The following GRID2 variants were observed in gnomAD, a reference collection of about 807,000 sequenced individuals.
GRID2 encodes the protein glutamate ionotropic receptor delta type subunit 2.
Under a neutral mutation model 114.8 loss-of-function variants are expected in GRID2, and 33 were observed. The observed-to-expected ratio is 0.29, with a 90% CI of 0.22 to 0.38. The LOEUF (loss-of-function observed/expected upper bound fraction) is 0.38. GRID2 is among the 10% of genes least tolerant of loss of function. The probability of loss-of-function intolerance (pLI) is 1.00; values close to 1 mark genes in which losing one functional copy is unlikely to be tolerated. For synonymous variants in GRID2, 505 were observed against 449.9 expected (o/e 1.12, Z -1.55); for missense variants, 1,184 against 1,257.7 (o/e 0.94, Z 0.89).
chr4:93,075,959 A>AGTGGCGC (rs768202523), intron 2 of GRID2, among the ~76,000 whole-genome samples: 1 of 125,406 alleles, frequency 8.0e-6, no homozygotes, highest in East Asian at 2.5e-4. Context: ...GCTGAAGTGC[A>AGTGGCGC]GTGGCGCGAT....
intron 13 of GRID2, among the ~76,000 whole-genome samples, chr4:93,619,659 A>T (rs929547018): frequency 2.0e-5 from 3 of 152,182 alleles, no homozygotes; most frequent in Non-Finnish European, 4.4e-5. Context: ...AGAAATGCTT[A>T]GAGAGCAATG....
At chr4:93,414,619 C>T in intron 9 of GRID2, among the ~76,000 whole-genome samples, 1 of 151,424 alleles carries the variant, frequency 6.6e-6, no homozygotes, top group East Asian at 1.9e-4. Context: ...TCATTTCTCA[C>T]ATATGCCTTC....
intron 14 of GRID2, among the ~76,000 whole-genome samples, chr4:93,700,515 T>G (rs1165182750): frequency 1.3e-5 from 2 of 152,144 alleles, no homozygotes; most frequent in Non-Finnish European, 2.9e-5. Context: ...CCATACTTCA[T>G]CACTCATTTT....
intron 10 of GRID2, among the ~76,000 whole-genome samples, chr4:93,429,210 A>G (rs1240865186): frequency 2.0e-5 from 3 of 152,192 alleles, no homozygotes; most frequent in African/African-American, 7.2e-5. Flanking sequence ...ATTATGGAGA[A>G]GCCAGATGGC....
At chr4:92,699,552 A>C (rs1376704215) in intron 2 of GRID2, among the ~76,000 whole-genome samples, 1 of 152,214 alleles carries the variant, frequency 6.6e-6, no homozygotes, top group Non-Finnish European at 1.5e-5. Flanking sequence ...TTTATCACTG[A>C]CCACAATTTT....
chr4:92,676,156 G>GCT (rs1733349876), intron 2 of GRID2, among the ~76,000 whole-genome samples: 2 of 25,066 alleles, frequency 8.0e-5, no homozygotes, highest in African/African-American at 1.3e-4. Context: ...GTCGTGTCAA[G>GCT]CCCCCCCCCC....
intron 2 of GRID2, among the ~76,000 whole-genome samples, chr4:93,016,387 G>A: frequency 6.6e-6 from 1 of 152,090 alleles, no homozygotes; most frequent in East Asian, 1.9e-4. Context: ...ACTATTTTAA[G>A]CGCTTTCTGT....
chr4:93,700,444 AAGAG>A (rs1261391502), intron 14 of GRID2, among the ~76,000 whole-genome samples: 2 of 152,202 alleles, frequency 1.3e-5, no homozygotes, highest in African/African-American at 4.8e-5. Context: ...AGTTCTAAAT[AAGAG>A]AGATAGCTAT....
chr4:92,706,400 T>C (rs1166532078), intron 2 of GRID2, among the ~76,000 whole-genome samples: 2 of 152,306 alleles, frequency 1.3e-5, no homozygotes, highest in Middle Eastern at 3.4e-3. Flanking sequence ...AAATGTCATG[T>C]GTATGGAGAG....
chr4:93,085,718 C>G (rs1001363430), intron 3 of GRID2, among the ~76,000 whole-genome samples: 1 of 152,130 alleles, frequency 6.6e-6, no homozygotes, highest in Non-Finnish European at 1.5e-5. Context: ...TCTGAAAAAT[C>G]TTGCTTACAC....
intron 2 of GRID2, among the ~76,000 whole-genome samples, chr4:92,711,817 C>G (rs534284964): frequency 1.3e-5 from 2 of 152,244 alleles, no homozygotes; most frequent in South Asian, 4.2e-4. Context: ...GCAGGAGGAT[C>G]ACTTGAACCC....
At chr4:93,310,177 C>G (rs1352271886) in intron 8 of GRID2, among the ~76,000 whole-genome samples, 1 of 152,058 alleles carries the variant, frequency 6.6e-6, no homozygotes, top group East Asian at 1.9e-4. Flanking sequence ...AAGTAAAGAC[C>G]TATAAGTTTT....
chr4:92,923,553 C>A (rs1011841740), intron 2 of GRID2, among the ~76,000 whole-genome samples: 1 of 152,102 alleles, frequency 6.6e-6, no homozygotes, highest in East Asian at 1.9e-4. Flanking sequence ...ATACTTATTT[C>A]TATTCTGCCA....
rs528148746 is a variant in GRID2, at chr4:93,199,761, A to AG, written c.736-7640dup. Among the ~76,000 whole-genome samples, 11 of 152,330 alleles carry AG rather than the reference A, an allele frequency of 7.2e-5. 1 individual carries two copies. In the South Asian group the frequency reaches 1.9e-3, roughly 26 times the overall value. ...CCCCATGCTGCCCAGTGTTGGCGTG[A>AG]GGGATTACTAATGCCATCTGCTGGA... On this transcript the variant is annotated intron_variant, in intron 4 of 15. Coordinates refer to ENST00000282020, the MANE Select transcript of GRID2 (RefSeq NM_001510.4).
intron 2 of GRID2, among the ~76,000 whole-genome samples, chr4:92,853,842 G>T (rs941580114): frequency 6.6e-6 from 1 of 151,862 alleles, no homozygotes; most frequent in Non-Finnish European, 1.5e-5. Context: ...GACTTCTAGA[G>T]GTTGGAGGGA....
chr4:93,126,581 A>ATTTT (rs1553992077), intron 4 of GRID2, among the ~76,000 whole-genome samples: 5 of 76,566 alleles, frequency 6.5e-5, no homozygotes, highest in East Asian at 3.6e-4. Flanking sequence ...TAACTATTTA[A>ATTTT]TTCTTTTTTT....
intron 2 of GRID2, among the ~76,000 whole-genome samples, chr4:92,932,548 C>T (rs994117997): frequency 1.3e-5 from 2 of 151,130 alleles, no homozygotes; most frequent in Admixed American, 6.6e-5. Flanking sequence ...ATCAAGCAAC[C>T]CCATTCCCAG....
intron 13 of GRID2, among the ~76,000 whole-genome samples, chr4:93,615,949 A>G (rs1013831000): frequency 1.3e-5 from 2 of 152,142 alleles, no homozygotes; most frequent in African/African-American, 2.4e-5. Context: ...TTGTCACTCA[A>G]TGTATTTCCA....
rs956075671 is a variant in GRID2, at chr4:93,626,500, T to A, written c.2360+65T>A. ...TTTAGACAAAGAATATCCATTTGGT[T>A]ACCAGATCTGGTTTATTACATTTTG... On this transcript the variant is annotated intron_variant, in intron 14 of 15. Transcript: ENST00000282020. The A allele has an allele frequency of 1.5e-5, 16 of 1,052,266 alleles. No individual in the cohort carries two copies. In the African/African-American group the frequency reaches 2.2e-4, roughly 15 times the overall value. The allele number at this position is 1,052,266 out of a possible 1,614,324, so 65.2% of individuals were successfully genotyped here. A position where few individuals can be genotyped will look rare whatever the true frequency, so the allele number is the denominator to read the frequency against.
Sources: gnomAD v4.1 joint callset for allele counts (sites outside exome capture counted in the v4.1 genomes callset) on GRCh38, gnomAD v4.1.1 for gene constraint, MANE v1.5 for transcripts, NCBI Gene and HGNC (gene_info 2026-07-23, HGNC 2026-07-21) for gene names.